The following KIAA0825 variants were observed in gnomAD, a reference collection of about 807,000 sequenced individuals.
KIAA0825 encodes KIAA0825.
KIAA0825 carries 119 observed loss-of-function variants against 147.6 expected under a neutral mutation model. That is an observed-to-expected ratio of 0.81 (90% confidence interval 0.69 to 0.94). The LOEUF (loss-of-function observed/expected upper bound fraction) is 0.94, where lower values mean the gene tolerates loss of function less well. KIAA0825 is among the 40% of genes least tolerant of loss of function. The pLI is 0.00. For synonymous variants in KIAA0825, 470 were observed against 518.1 expected, an observed-to-expected ratio of 0.91 and a Z score of 1.26; for missense variants, 1,381 against 1,472.7, an observed-to-expected ratio of 0.94 and a Z score of 1.02.
At chr5:94,510,296 GCAT>G (rs1258361196) in intron 5 of KIAA0825, among the ~76,000 whole-genome samples, 4 of 152,160 alleles carry the variant, frequency 2.6e-5, no homozygotes, top group Non-Finnish European at 5.9e-5. Context: ...TATTTCACTG[GCAT>G]CATAATTTCA....
intron 14 of KIAA0825, among the ~76,000 whole-genome samples, chr5:94,420,216 A>G (rs1322941916): frequency 6.6e-6 from 1 of 152,136 alleles, no homozygotes; most frequent in Non-Finnish European, 1.5e-5. Flanking sequence ...TGAATAATAT[A>G]CAGCCCTGCA....
intron 12 of KIAA0825, among the ~76,000 whole-genome samples, chr5:94,459,733 A>C (rs762142939): frequency 3.3e-5 from 5 of 152,072 alleles, no homozygotes; most frequent in Non-Finnish European, 7.4e-5. Context: ...CCACACTTCC[A>C]TCTTATTAAA....
At position 94,484,916 on chromosome 5, in the gene KIAA0825, G is replaced by T. The variant is rs1762872030; in HGVS notation, c.985C>A (p.Pro329Thr). 2.0e-6 allele frequency: 3 copies of T among 1,508,342 alleles called. No homozygotes were observed. The highest frequency in any genetic ancestry group is 2.7e-6 in the Non-Finnish European group (3 of 1,119,374). 93.4% of individuals were successfully genotyped at this position (1,508,342 alleles called of 1,614,324 possible). ...AGAGAGAAGTTTCTTCCTTTCTGTG[G>T]GCATTCAGTAGTAACTGTGAAAAGA... is the stretch of plus-strand genomic sequence containing the variant. ...AVHALVTTEC[P>T]QKGRNFSLPL... The change falls in exon 6 of 21, where the codon CCA (proline) becomes ACA (threonine). Residue 329 changes from proline to threonine, a missense_variant. Transcript: ENST00000682413.
In KIAA0825 at chr5:94,396,514, G is replaced by T; in HGVS notation, c.2888-5C>A. 6.8e-7 allele frequency: 1 copy of T among 1,469,552 alleles called. No individual in the cohort carries two copies. The highest frequency in any genetic ancestry group is 1.8e-4 in the Middle Eastern group (1 of 5,572). The allele number at this position is 1,469,552 out of a possible 1,614,324, so 91.0% of individuals were successfully genotyped here. On this transcript the variant is annotated splice_region_variant and splice_polypyrimidine_tract_variant and intron_variant, in intron 16 of 20. Transcript: ENST00000682413. ...GAGCAGTAAGCCTTGTGAAGCCTGGGGAAGAAAAGAAAAGGTATGATTAAT... is the reference window on the plus strand; with the variant it reads ...GAGCAGTAAGCCTTGTGAAGCCTGGTGAAGAAAAGAAAAGGTATGATTAAT...
At chr5:94,344,270 A>T (rs1479780862) in intron 20 of KIAA0825, among the ~76,000 whole-genome samples, 1 of 152,248 alleles carries the variant, frequency 6.6e-6, no homozygotes, top group Non-Finnish European at 1.5e-5. Context: ...GTAATAAAAA[A>T]TATACAGCTT....
chr5:94,291,688 T>C (rs895135488), intron 20 of KIAA0825, among the ~76,000 whole-genome samples: 1 of 152,190 alleles, frequency 6.6e-6, no homozygotes, highest in African/African-American at 2.4e-5. Context: ...ATTGAATCTA[T>C]AAATTACTTT....
intron 20 of KIAA0825, among the ~76,000 whole-genome samples, chr5:94,176,183 C>CA (rs1251364637): frequency 3.3e-5 from 5 of 152,026 alleles, no homozygotes; most frequent in African/African-American, 1.2e-4. Context: ...GGTGAGTTCT[C>CA]ACTCTCATTA....
intron 2 of KIAA0825, among the ~76,000 whole-genome samples, chr5:94,550,078 G>C (rs114058410): frequency 6.6e-6 from 1 of 152,074 alleles, no homozygotes; most frequent in Admixed American, 6.6e-5. Flanking sequence ...AAAAAAGAAC[G>C]AGATCCTGTC....
chr5:94,506,332 A>G (rs987032453), intron 5 of KIAA0825, among the ~76,000 whole-genome samples: 8 of 152,216 alleles, frequency 5.3e-5, no homozygotes, highest in Non-Finnish European at 1.2e-4. Context: ...TAAGAACTAT[A>G]AAACTTTGAA....
At chr5:94,552,652 T>C (rs1243293205) in intron 2 of KIAA0825, among the ~76,000 whole-genome samples, 1 of 152,232 alleles carries the variant, frequency 6.6e-6, no homozygotes, top group Non-Finnish European at 1.5e-5. Flanking sequence ...TGTTCCTGAA[T>C]GACCAATGGG....
chr5:94,230,123 T>C (rs1774558691), intron 20 of KIAA0825, among the ~76,000 whole-genome samples: 1 of 152,158 alleles, frequency 6.6e-6, no homozygotes, highest in Non-Finnish European at 1.5e-5. Context: ...AATTTTTGTT[T>C]GAGGACTTCC....
rs530204036 is a variant in KIAA0825, at chr5:94,163,219, T to C, written c.3711-9095A>G. Among the ~76,000 whole-genome samples, 9 of 152,314 alleles carry C rather than the reference T, an allele frequency of 5.9e-5. No individual in the cohort carries two copies. The East Asian group carries it at 1.7e-3, about 29-fold the overall frequency. On this transcript the variant is annotated intron_variant, in intron 20 of 20. Transcript: ENST00000682413. ...GTACCTGACTAGTATTTTTGACCAA[T>C]GTAAAAAGGCTTTAAACAAACTTTG...
chr5:94,353,097 A>ATT (rs1783876115), intron 20 of KIAA0825, among the ~76,000 whole-genome samples: 1 of 152,170 alleles, frequency 6.6e-6, no homozygotes, highest in African/African-American at 2.4e-5. Context: ...AATAAATAAA[A>ATT]ATCTTACAGG....
intron 20 of KIAA0825, among the ~76,000 whole-genome samples, chr5:94,190,884 C>T (rs926563367): frequency 4.0e-5 from 6 of 151,818 alleles, no homozygotes; most frequent in East Asian, 1.9e-4. Flanking sequence ...ACTTACTTAA[C>T]GCACCCTTTT....
intron 20 of KIAA0825, among the ~76,000 whole-genome samples, chr5:94,288,388 T>C (rs1777745938): frequency 6.6e-6 from 1 of 152,130 alleles, no homozygotes; most frequent in Non-Finnish European, 1.5e-5. Context: ...TAAAAATAAA[T>C]ATTTGATCAA....
At chr5:94,377,213 C>T (rs948734532) in intron 20 of KIAA0825, among the ~76,000 whole-genome samples, 5 of 152,200 alleles carry the variant, frequency 3.3e-5, no homozygotes, top group African/African-American at 4.8e-5. Flanking sequence ...AGAAATCTGC[C>T]TCCACCACCC....
intron 20 of KIAA0825, among the ~76,000 whole-genome samples, chr5:94,245,737 T>C (rs1176547680): frequency 6.6e-6 from 1 of 152,070 alleles, no homozygotes; most frequent in Admixed American, 6.6e-5. Context: ...GATATATGAC[T>C]AAAGTGACAT....
chr5:94,536,852 A>AG (rs1457228903), intron 3 of KIAA0825, 144 bp downstream of exon 3: 14 of 539,180 alleles, frequency 2.6e-5, no homozygotes, highest in African/African-American at 2.1e-4. Flanking sequence ...TTTAAGTGAG[A>AG]GGGGGGTCTA....
At chr5:94,420,738 AAAG>A (rs1754077819) in intron 14 of KIAA0825, among the ~76,000 whole-genome samples, 2 of 152,258 alleles carry the variant, frequency 1.3e-5, no homozygotes, top group South Asian at 2.1e-4. Context: ...AGAGGGAAGA[AAAG>A]AAGGAAGGAA....
Sources: allele counts gnomAD v4.1 joint callset (sites outside exome capture counted in the v4.1 genomes callset), GRCh38; gene constraint gnomAD v4.1.1; transcripts MANE v1.5; gene names NCBI Gene and HGNC (gene_info 2026-07-23, HGNC 2026-07-21).